TRIM37: variants seen among roughly 807,000 people sequenced by gnomAD.
TRIM37 encodes tripartite motif containing 37, also known as E3 ubiquitin-protein ligase TRIM37.
In TRIM37, 80 loss-of-function variants were observed where a neutral mutation model predicts 129.8. The ratio of observed to expected loss-of-function variants is 0.62; its 90% CI spans 0.51 to 0.74. The LOEUF (loss-of-function observed/expected upper bound fraction) is 0.74. Among genes scored for constraint, TRIM37 ranks in the 30% least tolerant of loss-of-function variants. TRIM37 has a pLI of 0.00. For missense variants in TRIM37, 1,054 were observed against 1,176.5 expected (o/e 0.90, Z 1.52); for synonymous variants, 389 against 387.1 (o/e 1.00, Z -0.06).
chr17:59,081,856 G>A (rs1166348007), intron 5 of TRIM37, among the ~76,000 whole-genome samples: 1 of 148,998 alleles, frequency 6.7e-6, no homozygotes, highest in Non-Finnish European at 1.5e-5. Context: ...ACAGTGAGCT[G>A]TGATCGGGCC....
chr17:59,091,680 T>C (rs772965079), intron 2 of TRIM37, among the ~76,000 whole-genome samples: 7 of 142,020 alleles, frequency 4.9e-5, no homozygotes, highest in Non-Finnish European at 7.6e-5. Context: ...ACAAATCTAA[T>C]GGGTTTAACT....
intron 22 of TRIM37, 90 bp from the exon 23 acceptor site, chr17:59,001,804 C>T: frequency 6.6e-7 from 1 of 1,523,456 alleles, no homozygotes; most frequent in Non-Finnish European, 8.9e-7. Flanking sequence ...AACTGAGATT[C>T]CTATTGAATT....
chr17:58,995,194 G>A (rs894568009), downstream of TRIM37, among the ~76,000 whole-genome samples: 10 of 152,134 alleles, frequency 6.6e-5, no homozygotes, highest in Non-Finnish European at 1.5e-4. Flanking sequence ...GACCACAGGT[G>A]TGCACCACCA....
intron 22 of TRIM37, among the ~76,000 whole-genome samples, chr17:59,011,704 C>A (rs2035274971): frequency 6.6e-6 from 1 of 152,128 alleles, no homozygotes; most frequent in African/African-American, 2.4e-5. Context: ...GAAGAACATG[C>A]AAAAGAAACA....
At chr17:59,068,681 GAT>G (rs1293807224) in intron 9 of TRIM37, among the ~76,000 whole-genome samples, 3 of 152,128 alleles carry the variant, frequency 2.0e-5, no homozygotes, top group Admixed American at 2.0e-4. Flanking sequence ...GCTTTAAAAA[GAT>G]ATGAATATTT....
chr17:59,049,843 T>C (rs2040172962), intron 14 of TRIM37, among the ~76,000 whole-genome samples: 2 of 151,674 alleles, frequency 1.3e-5, no homozygotes, highest in Non-Finnish European at 1.5e-5. Flanking sequence ...CTTTTATTTA[T>C]AAAAAAAAAT....
At position 59,088,352 on chromosome 17, in the gene TRIM37, G is replaced by A; in HGVS notation, c.220C>T (p.Gln74Ter). ...VNCRWAEEVT[Q>*]QLDTLQLCSL... Reference sequence around the variant, plus strand: ...CAGAGTTGAAGAGTATCAAGCTGTTGTGTTACTTCTTCTGCCCAACGACAA... The same window carrying A: ...CAGAGTTGAAGAGTATCAAGCTGTTATGTTACTTCTTCTGCCCAACGACAA... Residue 74 changes from glutamine (Q) to a stop codon, truncating the protein, a stop_gained, in exon 4 of 24, where the codon CAA becomes TAA. Coordinates refer to ENST00000262294, the MANE Select transcript of TRIM37 (RefSeq NM_015294.6). LOFTEE classifies it high-confidence loss of function. The A allele has an allele frequency of 9.3e-6, 15 of 1,613,874 alleles. No homozygotes were observed. The highest frequency in any genetic ancestry group is 1.3e-5 in the Non-Finnish European group (15 of 1,179,850).
intron 15 of TRIM37, 73 bp from the exon 16 acceptor site, chr17:59,047,892 T>G: frequency 1.3e-6 from 2 of 1,558,690 alleles, no homozygotes; most frequent in South Asian, 2.2e-5. Flanking sequence ...ATCCAGCCCA[T>G]AAACCAAGCA....
At chr17:58,996,470 A>AC (rs2144301423), downstream of TRIM37, among the ~76,000 whole-genome samples, 3 of 131,262 alleles carry the variant, frequency 2.3e-5, no homozygotes, top group African/African-American at 8.8e-5. Flanking sequence ...AACCTGTCTC[A>AC]AAAAAAAAAA....
downstream of TRIM37, among the ~76,000 whole-genome samples, chr17:58,995,404 T>TAA (rs1218900988): frequency 4.1e-5 from 5 of 120,768 alleles, no homozygotes; most frequent in African/African-American, 6.1e-5. Context: ...AAGAAATGCT[T>TAA]AAAAAAAAAA....
rs58856834 is a variant in TRIM37 at position 59,037,557 on chromosome 17, C to CAAAAAAA, written c.1753+4249_1753+4255dup. ...CGGGCAACAGAGCAAGACTCTGTCT[C>CAAAAAAA]AAAAAAAAAAAAAAAAAAAAAAAAA... On this transcript the variant is annotated intron_variant, in intron 17 of 23. Transcript: ENST00000262294. 6.3e-4 allele frequency among the ~76,000 whole-genome samples: 47 copies of CAAAAAAA among 74,024 alleles called. 1 individual carries two copies. Among genetic ancestry groups the CAAAAAAA allele is most frequent in the South Asian group, 1.3e-3 (2 of 1,486 alleles). 48.6% of individuals were successfully genotyped at this position (74,024 alleles called of 152,430 possible).
chr17:59,082,264 C>G lies in TRIM37; in HGVS notation c.370-1045G>C, dbSNP rs2043366908. Among the ~76,000 whole-genome samples, 3 of 152,168 alleles carry G rather than the reference C, an allele frequency of 2.0e-5. No individual in the cohort carries two copies. In the South Asian group the frequency reaches 6.2e-4, roughly 32 times the overall value. ...CCAGCCTGGGTGACAGAGTGAGACT[C>G]TGTCTCAAAAAAACAAAACAAAACA... On this transcript the variant is annotated intron_variant, in intron 5 of 23. Coordinates refer to ENST00000262294, the MANE Select transcript of TRIM37 (RefSeq NM_015294.6).
At chr17:59,103,029 T>C (rs923693793) in intron 2 of TRIM37, among the ~76,000 whole-genome samples, 5 of 151,954 alleles carry the variant, frequency 3.3e-5, no homozygotes, top group African/African-American at 1.2e-4. Context: ...CATGCCACCA[T>C]GCCTGGCTAA....
chr17:59,032,711 G>C (rs978967464), intron 17 of TRIM37, among the ~76,000 whole-genome samples: 1 of 152,022 alleles, frequency 6.6e-6, no homozygotes, highest in Non-Finnish European at 1.5e-5. Context: ...TGAGAGGTAA[G>C]GGTAAGGAGA....
At chr17:59,007,217 C>A (rs2034629270) in intron 22 of TRIM37, among the ~76,000 whole-genome samples, 9 of 17,124 alleles carry the variant, frequency 5.3e-4, no homozygotes, top group South Asian at 0.01. Context: ...TAAAACCACC[C>A]CACCCCCACC....
At chr17:58,972,361 T>A in the TRIM37 span, 1 of 1,452,068 alleles carries the variant, frequency 6.9e-7, no homozygotes, top group Middle Eastern at 2.5e-4. Context: ...CTTACTTTTT[T>A]TTTTTTTGAG....
chr17:59,011,118 AAGAC>A, intron 22 of TRIM37, among the ~76,000 whole-genome samples: 1 of 151,884 alleles, frequency 6.6e-6, no homozygotes, highest in African/African-American at 2.4e-5. Flanking sequence ...GCAGTGAGCC[AAGAC>A]TGTGCCACTG....
At chr17:59,051,350 T>TAA in intron 13 of TRIM37, 22 bp from the exon 14 acceptor site, 15 of 1,373,926 alleles carry the variant, frequency 1.1e-5, no homozygotes, top group Non-Finnish European at 1.5e-5. Context: ...TGTGCCACAT[T>TAA]AAAAAAAAAA....
At chr17:59,037,042 G>C (rs769182726) in intron 17 of TRIM37, among the ~76,000 whole-genome samples, 4 of 152,048 alleles carry the variant, frequency 2.6e-5, no homozygotes, top group Non-Finnish European at 5.9e-5. Flanking sequence ...TTGAACCCGG[G>C]AGGCAGAGGT....
Sources: gnomAD v4.1 joint callset for allele counts (sites outside exome capture counted in the v4.1 genomes callset) on GRCh38, gnomAD v4.1.1 for gene constraint, MANE v1.5 for transcripts, NCBI Gene and HGNC (gene_info 2026-07-23, HGNC 2026-07-21) for gene names.